Variants in SNX30 observed in about 807,000 individuals in gnomAD.
The protein encoded by SNX30 is sorting nexin family member 30.
Under a neutral mutation model 46.4 loss-of-function variants are expected in SNX30, and 24 were observed. The observed-to-expected ratio is 0.52, with a 90% CI of 0.37 to 0.73. The LOEUF (loss-of-function observed/expected upper bound fraction) is 0.73, where lower values mean the gene tolerates loss of function less well. SNX30 is among the 30% of genes least tolerant of loss of function. SNX30 has a pLI of 0.00. For synonymous variants in SNX30, 189 were observed against 211.5 expected, an observed-to-expected ratio of 0.89 and a Z score of 0.92; for missense variants, 533 against 555.7, an observed-to-expected ratio of 0.96 and a Z score of 0.41.
intron 1 of SNX30, among the ~76,000 whole-genome samples, chr9:112,792,159 T>C (rs1840036386): frequency 6.6e-6 from 1 of 152,254 alleles, no homozygotes; most frequent in Non-Finnish European, 1.5e-5. Flanking sequence ...TGAAGGTTCA[T>C]GAGTGCTCAC....
At chr9:112,863,351 G>A (rs998214556) in intron 7 of SNX30, among the ~76,000 whole-genome samples, 3 of 152,166 alleles carry the variant, frequency 2.0e-5, no homozygotes, top group African/African-American at 4.8e-5. Context: ...TGGGCCTGTC[G>A]GCTCCCTGGC....
Position 112,836,383 on chromosome 9 carries a change from C to G in SNX30, c.788C>G (p.Ala263Gly), listed in dbSNP as rs759639683. 1 of 1,597,776 alleles carries G rather than the reference C, an allele frequency of 6.3e-7. No individual in the cohort carries two copies. The highest frequency in any genetic ancestry group is 8.6e-7 in the Non-Finnish European group (1 of 1,166,076). Reference sequence around the variant, plus strand: ...AAACTGGGAACCATTGATCGAATAGCCCAGCGGATCATCAAAGAAGAAATA... The same window carrying G: ...AAACTGGGAACCATTGATCGAATAGGCCAGCGGATCATCAAAGAAGAAATA... The part of the protein sequence containing the change: ...ALKLGTIDRI[A>G]QRIIKEEIEY... Residue 263 changes from alanine (A) to glycine (G), a missense_variant, in exon 5 of 9, where the codon GCC (alanine) becomes GGC (glycine). By Grantham distance (60) the Ala-to-Gly change is moderately conservative. This residue lies in a region of SNX30 where 261 missense variants were observed against 270.9 expected (regional missense o/e 0.96). Coordinates refer to ENST00000374232, the MANE Select transcript of SNX30 (RefSeq NM_001012994.2).
intron 1 of SNX30, among the ~76,000 whole-genome samples, chr9:112,793,869 G>A (rs1241952200): frequency 2.7e-5 from 4 of 149,646 alleles, no homozygotes; most frequent in African/African-American, 4.9e-5. Flanking sequence ...AAGGGAGAAC[G>A]CAGAGGCTTG....
At chr9:112,854,282 C>G (rs950235144) in intron 7 of SNX30, among the ~76,000 whole-genome samples, 3 of 152,238 alleles carry the variant, frequency 2.0e-5, no homozygotes, top group Non-Finnish European at 4.4e-5. Flanking sequence ...CCACAGCTGC[C>G]TGCCAGGGCT....
intron 7 of SNX30, among the ~76,000 whole-genome samples, chr9:112,855,783 C>T (rs1225864625): frequency 6.6e-6 from 1 of 152,072 alleles, no homozygotes; most frequent in African/African-American, 2.4e-5. Context: ...GGAGACTTGG[C>T]CTTCTCCATG....
chr9:112,782,135 C>T lies in SNX30; in HGVS notation c.157-22641C>T, dbSNP rs541360372. Among the ~76,000 whole-genome samples, 13 of 152,094 alleles carry T rather than the reference C, an allele frequency of 8.5e-5. No individual in the cohort carries two copies. The South Asian group carries it at 1.5e-3, about 17-fold the overall frequency. The stretch of plus-strand genomic sequence containing the variant: ...AGGCTGGAGTGCAATGGTGCAACCT[C>T]GGCTCACTGCACCCTCTACCTTCCG... On this transcript the variant is annotated intron_variant, in intron 1 of 8. Transcript: ENST00000374232.
chr9:112,827,910 C>A (rs570780411), intron 3 of SNX30, among the ~76,000 whole-genome samples: 243 of 152,274 alleles, frequency 1.6e-3, no homozygotes, highest in African/African-American at 5.2e-3. Context: ...TTGGTTTATT[C>A]CCTAAAGAGG....
Position 112,750,905 on chromosome 9 carries a change from C to A in SNX30, c.-97C>A. The A allele has an allele frequency of 9.1e-7, 1 of 1,095,750 alleles. No individual in the cohort carries two copies. The highest frequency in any genetic ancestry group is 1.1e-6 in the Non-Finnish European group (1 of 897,082). The allele number at this position is 1,095,750 out of a possible 1,614,324, so 67.9% of individuals were successfully genotyped here. A position where few individuals can be genotyped will look rare whatever the true frequency, so the allele number is the denominator to read the frequency against. ...GGCCGGTGCAAGGCCTCGGGTTAAG[C>A]GGCGGCCGAGCGGGGCTCGGCCCGG... is the stretch of plus-strand genomic sequence containing the variant. On this transcript the variant is annotated 5_prime_UTR_variant, in exon 1 of 9. Coordinates refer to ENST00000374232, the MANE Select transcript of SNX30 (RefSeq NM_001012994.2).
rs574388517 is a variant in SNX30, at chr9:112,880,015, C to T, written n.3367C>T. ...CTAAAAGGAGCATGTTGACCATTTG[C>T]TTCCCCATTGTTCCTTTAGATAGAA... On this transcript the variant is annotated non_coding_transcript_exon_variant, in exon 5 of 6. Transcript: ENST00000604751. The T allele has an allele frequency of 1.9e-4, 96 of 496,962 alleles. No homozygotes were observed. The South Asian group carries it at 2.9e-3, about 15-fold the overall frequency. The allele number at this position is 496,962 out of a possible 1,614,324, so 30.8% of individuals were successfully genotyped here.
chr9:112,812,250 CATTT>C (rs1360710499), intron 2 of SNX30, among the ~76,000 whole-genome samples: 6 of 151,854 alleles, frequency 4.0e-5, no homozygotes, highest in Admixed American at 1.3e-4. Flanking sequence ...TGCAAGCATC[CATTT>C]ATTTATTTAT....
chr9:112,796,679 G>A (rs1018779739), intron 1 of SNX30, among the ~76,000 whole-genome samples: 9 of 151,852 alleles, frequency 5.9e-5, no homozygotes, highest in Admixed American at 1.3e-4. Flanking sequence ...TTGATATTGC[G>A]TAGGTATGTG....
chr9:112,749,845 A>G (rs1270723635), upstream of SNX30, among the ~76,000 whole-genome samples: 1 of 152,188 alleles, frequency 6.6e-6, no homozygotes, highest in Non-Finnish European at 1.5e-5. Flanking sequence ...GTCCCTCACG[A>G]TGAGCCTCCC....
At chr9:112,863,103 G>A (rs2131503627) in intron 7 of SNX30, among the ~76,000 whole-genome samples, 1 of 152,258 alleles carries the variant, frequency 6.6e-6, no homozygotes, top group East Asian at 1.9e-4. Flanking sequence ...TGGAGAAGAT[G>A]GCTGAGTACC....
intron 3 of SNX30, 41 bp from the exon 4 acceptor site, chr9:112,830,684 T>C (rs1373097732): frequency 4.4e-6 from 7 of 1,581,318 alleles, no homozygotes; most frequent in Admixed American, 1.9e-5. Context: ...CCTTGCACCA[T>C]CTCATCAATT....
intron 2 of SNX30, among the ~76,000 whole-genome samples, chr9:112,816,267 T>C (rs543169866): frequency 6.6e-6 from 1 of 152,300 alleles, no homozygotes; most frequent in South Asian, 2.1e-4. Context: ...GTGCGGGTGG[T>C]GTGGGGATGG....
chr9:112,761,200 T>C (rs1020945015), intron 1 of SNX30, among the ~76,000 whole-genome samples: 17 of 152,350 alleles, frequency 1.1e-4, no homozygotes, highest in Non-Finnish European at 2.2e-4. Flanking sequence ...TCTCGCTCTG[T>C]CATCCAGGCT....
chr9:112,861,439 C>T (rs1841229694), intron 7 of SNX30, among the ~76,000 whole-genome samples: 4 of 152,172 alleles, frequency 2.6e-5, no homozygotes, highest in Admixed American at 6.5e-5. Flanking sequence ...TATTATTAGC[C>T]AGACAGAGAA....
At chr9:112,823,077 A>G (rs1025704327) in intron 3 of SNX30, among the ~76,000 whole-genome samples, 1 of 152,250 alleles carries the variant, frequency 6.6e-6, no homozygotes, top group African/African-American at 2.4e-5. Flanking sequence ...AGGAAAAAAC[A>G]TATACATATA....
At chr9:112,834,837 C>CAA (rs1840722498) in intron 4 of SNX30, among the ~76,000 whole-genome samples, 2 of 99,888 alleles carry the variant, frequency 2.0e-5, no homozygotes, top group African/African-American at 3.9e-5. Flanking sequence ...AACACACACA[C>CAA]ACACAAACAC....
Sources: allele counts gnomAD v4.1 joint callset (sites outside exome capture counted in the v4.1 genomes callset), GRCh38; gene constraint gnomAD v4.1.1; regional missense constraint gnomAD v4.1.1; transcripts MANE v1.5; gene names NCBI Gene and HGNC (gene_info 2026-07-23, HGNC 2026-07-21).